Variants in IGF2BP2 observed in about 807,000 individuals in gnomAD.
The protein encoded by IGF2BP2 is insulin like growth factor 2 mRNA binding protein 2, also known as insulin-like growth factor 2 mRNA-binding protein 2.
Under a neutral mutation model 75.8 loss-of-function variants are expected in IGF2BP2, and 17 were observed. The observed-to-expected ratio is 0.22, with a 90% CI of 0.15 to 0.34. The LOEUF is 0.34. Among genes scored for constraint, IGF2BP2 ranks in the 10% least tolerant of loss-of-function variants. IGF2BP2 has a pLI of 1.00. For missense variants in IGF2BP2, 516 were observed against 772.4 expected, an observed-to-expected ratio of 0.67 and a Z score of 3.93; for synonymous variants, 288 against 295.6, an observed-to-expected ratio of 0.97 and a Z score of 0.26.
chr3:185,709,288 TG>T (rs756115472), intron 2 of IGF2BP2, among the ~76,000 whole-genome samples: 4 of 152,242 alleles, frequency 2.6e-5, no homozygotes, highest in Non-Finnish European at 5.9e-5. Flanking sequence ...TTGTTCTCTT[TG>T]GTTCTCCAAA....
At chr3:185,649,310 A>T (rs976346140) in intron 14 of IGF2BP2, 93 bp downstream of exon 14, 3 of 1,510,998 alleles carry the variant, frequency 2.0e-6, no homozygotes, top group Non-Finnish European at 2.7e-6. Context: ...GTACATTGGG[A>T]CAGAAGGCGC....
chr3:185,811,738 T>G (rs1004088327), intron 2 of IGF2BP2, among the ~76,000 whole-genome samples: 1 of 152,138 alleles, frequency 6.6e-6, no homozygotes, highest in African/African-American at 2.4e-5. Context: ...AAAAGTTGTG[T>G]GCAAAATACG....
intron 2 of IGF2BP2, among the ~76,000 whole-genome samples, chr3:185,719,561 T>C (rs1361209467): frequency 6.6e-6 from 1 of 152,056 alleles, no homozygotes; most frequent in Non-Finnish European, 1.5e-5. Context: ...AGGCTGGGTG[T>C]GGTGGCTCAC....
intron 10 of IGF2BP2, among the ~76,000 whole-genome samples, chr3:185,670,510 T>C (rs1718347520): frequency 6.6e-6 from 1 of 152,222 alleles, no homozygotes; most frequent in Non-Finnish European, 1.5e-5. Flanking sequence ...AATGGTGAGC[T>C]AGATTTGGCC....
chr3:185,731,246 C>CTTTTTTTTTTTTTT (rs760172663), intron 2 of IGF2BP2, among the ~76,000 whole-genome samples: 7 of 129,252 alleles, frequency 5.4e-5, no homozygotes, highest in African/African-American at 2.0e-4. Context: ...GCATCACTTT[C>CTTTTTTTTTTTTTT]TTTTTTTTTT....
At chr3:185,649,957 G>A (rs550583946) in intron 13 of IGF2BP2, among the ~76,000 whole-genome samples, 2 of 152,316 alleles carry the variant, frequency 1.3e-5, no homozygotes, top group East Asian at 3.9e-4. Flanking sequence ...AAGGATGGAG[G>A]TGATGGTGGT....
intron 2 of IGF2BP2, among the ~76,000 whole-genome samples, chr3:185,822,166 T>G (rs1741452836): frequency 6.6e-6 from 1 of 152,192 alleles, no homozygotes; most frequent in Non-Finnish European, 1.5e-5. Flanking sequence ...AAAATTAGGG[T>G]AGTTTGTTTT....
At chr3:185,654,087 C>T (rs569682433) in intron 12 of IGF2BP2, among the ~76,000 whole-genome samples, 1 of 152,284 alleles carries the variant, frequency 6.6e-6, no homozygotes, top group South Asian at 2.1e-4. Flanking sequence ...CATGCTCAGA[C>T]CCTGTCCCGC....
At chr3:185,816,194 A>C (rs1740578991) in intron 2 of IGF2BP2, among the ~76,000 whole-genome samples, 3 of 152,192 alleles carry the variant, frequency 2.0e-5, no homozygotes, top group South Asian at 4.1e-4. Context: ...TTCGCTGTCT[A>C]ATCTGTGTGG....
At chr3:185,795,586 C>A (rs994404026) in intron 2 of IGF2BP2, among the ~76,000 whole-genome samples, 2 of 152,164 alleles carry the variant, frequency 1.3e-5, no homozygotes, top group African/African-American at 2.4e-5. Context: ...TTGGTGAATT[C>A]TTTAAGAAAA....
At position 185,795,157 on chromosome 3, in the gene IGF2BP2, A is replaced by T. The variant is rs531667562; in HGVS notation, c.239+27996T>A. Among the ~76,000 whole-genome samples, 3 of 152,268 alleles carry T rather than the reference A, an allele frequency of 2.0e-5. No individual in the cohort carries two copies. The East Asian group carries it at 5.8e-4, about 29-fold the overall frequency. ...CGTGATCCACCCACCTCGGCCTCCC[A>T]AAGTGCTGGGATTACAGGCATGAGC... On this transcript the variant is annotated intron_variant, in intron 2 of 15. Coordinates refer to ENST00000382199, the MANE Select transcript of IGF2BP2 (RefSeq NM_006548.6).
intron 13 of IGF2BP2, among the ~76,000 whole-genome samples, chr3:185,651,565 C>T (rs1157699648): frequency 6.6e-6 from 1 of 151,970 alleles, no homozygotes; most frequent in Non-Finnish European, 1.5e-5. Context: ...CTCTTCTCAG[C>T]TAAATTTTAA....
intron 10 of IGF2BP2, among the ~76,000 whole-genome samples, chr3:185,665,320 A>AAGGAGGAGGAGGAGGAGGAGAAGG (rs1717208818): frequency 2.0e-5 from 1 of 50,114 alleles, no homozygotes; most frequent in African/African-American, 8.4e-5. Context: ...GCAGAAGGAG[A>AAGGAGGAGGAGGAGGAGGAGAAGG]AGGAGGAGGA....
At chr3:185,750,016 G>A (rs1730756097) in intron 2 of IGF2BP2, among the ~76,000 whole-genome samples, 1 of 152,168 alleles carries the variant, frequency 6.6e-6, no homozygotes. Context: ...CAGTTGTTTT[G>A]AACTTTAGCA....
intron 5 of IGF2BP2, among the ~76,000 whole-genome samples, chr3:185,691,116 G>A (rs373022681): frequency 6.6e-6 from 1 of 151,198 alleles, no homozygotes; most frequent in East Asian, 1.9e-4. Context: ...TATTTTTTTC[G>A]AGACAGAGTT....
In IGF2BP2 at chr3:185,657,342, C is replaced by T. The variant is rs1204284791; in HGVS notation, c.1330G>A (p.Gly444Arg). The T allele has an allele frequency of 3.1e-6, 5 of 1,613,834 alleles. No homozygotes were observed. Among genetic ancestry groups the T allele is most frequent in the Non-Finnish European group, 4.2e-6 (5 of 1,179,948 alleles). The part of the protein sequence containing the change: ...IPTQAVGAII[G>R]KKGAHIKQLA... ...TGTTTGATGTGTGCCCCCTTCTTCC[C>T]GATGATGGCGCCCACAGCCTGGGTT... is the stretch of plus-strand genomic sequence containing the variant. The change falls in exon 12 of 16, where the codon GGG (glycine) becomes AGG (arginine). Residue 444 changes from glycine (G) to arginine (R), a missense_variant. Transcript: ENST00000382199.
chr3:185,677,772 T>C (rs1577935165), intron 7 of IGF2BP2, among the ~76,000 whole-genome samples: 1 of 152,076 alleles, frequency 6.6e-6, no homozygotes, highest in South Asian at 2.1e-4. Context: ...ACAGAAACTA[T>C]AAGAAAGAAC....
chr3:185,667,931 TA>T (rs1418196232), intron 10 of IGF2BP2, among the ~76,000 whole-genome samples: 1 of 152,224 alleles, frequency 6.6e-6, no homozygotes, highest in African/African-American at 2.4e-5. Context: ...ATTTTTAAAT[TA>T]AGACATGGAT....
At chr3:185,795,481 C>A (rs1418651391) in intron 2 of IGF2BP2, among the ~76,000 whole-genome samples, 1 of 152,200 alleles carries the variant, frequency 6.6e-6, no homozygotes, top group Non-Finnish European at 1.5e-5. Flanking sequence ...CTTTTGGGCA[C>A]ACACCTGGCA....
Sources: allele counts gnomAD v4.1 joint callset (sites outside exome capture counted in the v4.1 genomes callset), GRCh38; gene constraint gnomAD v4.1.1; transcripts MANE v1.5; gene names NCBI Gene and HGNC (gene_info 2026-07-23, HGNC 2026-07-21).